The following UGT8 variants were observed in gnomAD, a reference collection of about 807,000 sequenced individuals.
UGT8 encodes the protein UDP glycosyltransferase 8.
A neutral mutation model predicts 40.5 loss-of-function variants in UGT8; 12 were observed. The observed-to-expected ratio is 0.30, with a 90% confidence interval of 0.19 to 0.48. The LOEUF (loss-of-function observed/expected upper bound fraction) is 0.48. Ranked by LOEUF, UGT8 falls within the 20% of genes least tolerant of loss-of-function variation. The pLI is 0.99. For missense variants in UGT8, 513 were observed against 648.7 expected, an observed-to-expected ratio of 0.79 and a Z score of 2.27; for synonymous variants, 224 against 240.4, an observed-to-expected ratio of 0.93 and a Z score of 0.63.
chr4:114,624,173 A>C (rs551200165), intron 2 of UGT8, among the ~76,000 whole-genome samples: 1 of 152,338 alleles, frequency 6.6e-6, no homozygotes, highest in South Asian at 2.1e-4. Flanking sequence ...CAATAATGAA[A>C]GTGAGGTGGT....
At chr4:114,670,430 C>T (rs369632689) in intron 5 of UGT8, among the ~76,000 whole-genome samples, 1 of 57,330 alleles carries the variant, frequency 1.7e-5, no homozygotes, top group African/African-American at 9.6e-5. Flanking sequence ...GACTCTGTCT[C>T]AAAAAAAAAA....
chr4:114,609,991 T>A (rs1328422974), intron 1 of UGT8, among the ~76,000 whole-genome samples: 2 of 152,174 alleles, frequency 1.3e-5, no homozygotes, highest in Non-Finnish European at 2.9e-5. Flanking sequence ...TTTTTCATGG[T>A]CTAAGTATCT....
intron 2 of UGT8, among the ~76,000 whole-genome samples, chr4:114,630,261 C>T (rs1732486086): frequency 6.6e-6 from 1 of 152,136 alleles, no homozygotes; most frequent in South Asian, 2.1e-4. Flanking sequence ...AATGGAAAAA[C>T]AGGGGCTTTT....
intron 4 of UGT8, among the ~76,000 whole-genome samples, chr4:114,666,378 G>GT (rs1197326530): frequency 6.6e-6 from 1 of 151,898 alleles, no homozygotes; most frequent in Non-Finnish European, 1.5e-5. Flanking sequence ...TTTTAAGTGT[G>GT]TTTTTTAACT....
chr4:114,612,148 T>C lies in UGT8; in HGVS notation c.-2-10731T>C, dbSNP rs536157863. 2.1e-4 allele frequency among the ~76,000 whole-genome samples: 32 copies of C among 152,322 alleles called. No homozygotes were observed. In the South Asian group the frequency reaches 6.0e-3, roughly 29 times the overall value. On this transcript the variant is annotated intron_variant, in intron 1 of 5. Coordinates refer to ENST00000310836, the MANE Select transcript of UGT8 (RefSeq NM_001128174.3). ...AACCTAAACTCGTATCTTATTTTAC[T>C]TACTAATTGGTTATTGAGGCATCAA...
At chr4:114,610,199 G>A (rs554424886) in intron 1 of UGT8, among the ~76,000 whole-genome samples, 4 of 152,230 alleles carry the variant, frequency 2.6e-5, no homozygotes, top group South Asian at 2.1e-4. Context: ...TGCTGGTTCC[G>A]ACTCTGCCAG....
chr4:114,667,972 C>T (rs1734993477), intron 4 of UGT8, 113 bp from the exon 5 acceptor site: 2 of 1,464,934 alleles, frequency 1.4e-6, no homozygotes, highest in East Asian at 2.4e-5. Flanking sequence ...CTTTAGGAAT[C>T]CTTTATCTGA....
chr4:114,673,246 A>T (rs574569612), intron 5 of UGT8, among the ~76,000 whole-genome samples: 1 of 152,214 alleles, frequency 6.6e-6, no homozygotes, highest in Non-Finnish European at 1.5e-5. Flanking sequence ...AACTATGCTC[A>T]TGGGACAATG....
chr4:114,623,530 G>A lies in UGT8; in HGVS notation c.650G>A (p.Arg217Lys). 1 of 1,614,098 alleles carries A rather than the reference G, an allele frequency of 6.2e-7. No individual in the cohort carries two copies. The highest frequency in any genetic ancestry group is 8.5e-7 in the Non-Finnish European group (1 of 1,180,010). ...TTTCTGGTTCTTCCCAAATATGAAA[G>A]GATAATGCAGAAGTACAACCTGCTG... ...VSFLVLPKYE[R>K]IMQKYNLLPE... Residue 217 changes from arginine (R) to lysine (K), a missense_variant, in exon 2 of 6, where the codon AGG becomes AAG. Transcript: ENST00000310836.
chr4:114,657,704 T>C (rs1043484742), intron 2 of UGT8, among the ~76,000 whole-genome samples: 8 of 152,180 alleles, frequency 5.3e-5, no homozygotes, highest in African/African-American at 1.9e-4. Context: ...TTTTTTCCTT[T>C]TCTCAATGTG....
chr4:114,599,300 AG>A (rs1399626765), intron 1 of UGT8, among the ~76,000 whole-genome samples: 1 of 152,054 alleles, frequency 6.6e-6, no homozygotes, highest in Non-Finnish European at 1.5e-5. Flanking sequence ...CTCAAGGCAG[AG>A]GGAGGGTATA....
chr4:114,626,064 A>G (rs967578139), intron 2 of UGT8, among the ~76,000 whole-genome samples: 1 of 152,148 alleles, frequency 6.6e-6, no homozygotes, highest in Non-Finnish European at 1.5e-5. Flanking sequence ...AGTCTATTAG[A>G]TTATCATTGT....
intron 2 of UGT8, among the ~76,000 whole-genome samples, chr4:114,635,164 A>T (rs1324658862): frequency 6.6e-6 from 1 of 152,122 alleles, no homozygotes; most frequent in Non-Finnish European, 1.5e-5. Flanking sequence ...CAGCCTGGCC[A>T]TCATGATCAA....
chr4:114,648,134 C>G (rs186189970), intron 2 of UGT8, among the ~76,000 whole-genome samples: 1 of 152,192 alleles, frequency 6.6e-6, no homozygotes, highest in East Asian at 1.9e-4. Context: ...TTTTGATTCC[C>G]TTTATTTCTC....
At chr4:114,616,158 T>G (rs903765543) in intron 1 of UGT8, among the ~76,000 whole-genome samples, 2 of 152,146 alleles carry the variant, frequency 1.3e-5, no homozygotes, top group African/African-American at 4.8e-5. Flanking sequence ...TCTGCAGAGG[T>G]TTCTGCTGCC....
chr4:114,643,077 G>A (rs1482467973), intron 2 of UGT8, among the ~76,000 whole-genome samples: 2 of 152,082 alleles, frequency 1.3e-5, no homozygotes, highest in African/African-American at 2.4e-5. Context: ...TATAATTGTA[G>A]GTGAAGGTCC....
intron 4 of UGT8, among the ~76,000 whole-genome samples, chr4:114,665,977 T>C (rs1734844516): frequency 6.6e-6 from 1 of 152,118 alleles, no homozygotes; most frequent in Admixed American, 6.6e-5. Flanking sequence ...TGTAAACCTT[T>C]GGGCCTCTAT....
At chr4:114,602,375 A>G (rs1362711369) in intron 1 of UGT8, among the ~76,000 whole-genome samples, 1 of 152,208 alleles carries the variant, frequency 6.6e-6, no homozygotes, top group Non-Finnish European at 1.5e-5. Context: ...CCTGCTAACC[A>G]TACTTGAGGC....
intron 2 of UGT8, among the ~76,000 whole-genome samples, chr4:114,659,681 T>A (rs191666021): frequency 4.4e-4 from 67 of 152,204 alleles, no homozygotes; most frequent in Non-Finnish European, 8.5e-4. Context: ...GCTTATTCTG[T>A]ACCTTATCCA....
Sources: allele counts gnomAD v4.1 joint callset (sites outside exome capture counted in the v4.1 genomes callset), GRCh38; gene constraint gnomAD v4.1.1; transcripts MANE v1.5; gene names NCBI Gene and HGNC (gene_info 2026-07-23, HGNC 2026-07-21).